EMG1: variants seen among roughly 807,000 people sequenced by gnomAD.
The protein encoded by EMG1 is EMG1 N1-specific pseudouridine methyltransferase.
EMG1 carries 24 observed loss-of-function variants against 26.9 expected under a neutral mutation model. That is an observed-to-expected ratio of 0.89 (90% CI 0.65 to 1.26). The LOEUF (loss-of-function observed/expected upper bound fraction) is 1.26, where lower values mean the gene tolerates loss of function less well. Ranked by LOEUF, EMG1 falls within the 50% of genes most tolerant of loss-of-function variation. The probability of loss-of-function intolerance (pLI) is 0.00; values close to 1 mark genes in which losing one functional copy is unlikely to be tolerated. For missense variants in EMG1, 299 were observed against 307.6 expected, an observed-to-expected ratio of 0.97 and a Z score of 0.21; for synonymous variants, 140 against 112.6, an observed-to-expected ratio of 1.24 and a Z score of -1.54.
downstream of EMG1, chr12:6,981,898 G>T: frequency 6.3e-7 from 1 of 1,583,618 alleles, no homozygotes; most frequent in Non-Finnish European, 8.7e-7. Flanking sequence ...CCAGCCAGAA[G>T]GTAGGCCTAG....
Position 6,977,504 on chromosome 12 carries a change from T to G in EMG1, c.*1695T>G. 6.2e-7 allele frequency: 1 copy of G among 1,614,094 alleles called. No individual in the cohort carries two copies. The highest frequency in any genetic ancestry group is 8.5e-7 in the Non-Finnish European group (1 of 1,180,010). ...GCGGCCAGCTTGCTCAGGGTGGGGC[T>G]CTCTTGAATGAGCCTGGCAGCCTGG... On this transcript the variant is annotated 3_prime_UTR_variant, in exon 6 of 6. Transcript: ENST00000599672. This position sits in a 1 kb window ranked among gnomAD's most constrained non-coding sequence, Gnocchi z 4.5.
exon 8 of EMG1, chr12:6,997,379 ATGTGTGTGTGTGTGTGTGTGTGTGTGTG>A (rs201579525): frequency 8.8e-6 from 1 of 114,046 alleles, no homozygotes; most frequent in Non-Finnish European, 1.8e-5. Context: ...ACAGCAAATT[ATGTGTGTGTGTGTGTGTGTGTGTGTGTG>A]TGTGTGTGTG....
At chr12:6,986,408 A>G (rs1946526370) in intron 6 of EMG1, among the ~76,000 whole-genome samples, 1 of 152,198 alleles carries the variant, frequency 6.6e-6, no homozygotes, top group South Asian at 2.1e-4. Context: ...TATATAACAC[A>G]AATGACATAC....
chr12:6,975,443 A>G (rs1946383235), intron 5 of EMG1, 65 bp downstream of exon 5: 1 of 1,485,068 alleles, frequency 6.7e-7, no homozygotes, highest in Non-Finnish European at 9.1e-7. Context: ...TTCCCAGAGC[A>G]GTAGGCATTT....
rs1946377666 is a variant in EMG1, at chr12:6,975,073, T to C, written c.413-17T>C. 6.2e-7 allele frequency: 1 copy of C among 1,612,026 alleles called. No homozygotes were observed. The highest frequency in any genetic ancestry group is 8.5e-7 in the Non-Finnish European group (1 of 1,178,160). On this transcript the variant is annotated splice_polypyrimidine_tract_variant and intron_variant, in intron 3 of 5. Coordinates refer to ENST00000599672, the MANE Select transcript of EMG1 (RefSeq NM_006331.8). ...GTGGTCTCCATCTAGCTCTGAACTC[T>C]TTTTTCCCCCTTCTAGTTCAACTTT...
In EMG1 at chr12:6,974,966, G is replaced by C. The variant is rs917281145; in HGVS notation, c.413-124G>C. 4 of 1,008,008 alleles carry C rather than the reference G, an allele frequency of 4.0e-6. No homozygotes were observed. In the African/African-American group the frequency reaches 6.4e-5, roughly 16 times the overall value. The allele number at this position is 1,008,008 out of a possible 1,614,324, so 62.4% of individuals were successfully genotyped here. ...CAACTGTTTGTTCCTAACATTTCAG[G>C]AGTCCAGTCTAGATATAAAGCACAC... On this transcript the variant is annotated intron_variant, in intron 3 of 5. Transcript: ENST00000599672.
chr12:6,983,112 T>C, downstream of EMG1: 1 of 501,764 alleles, frequency 2.0e-6, no homozygotes, highest in Admixed American at 3.0e-5. Flanking sequence ...TTTTTGAATG[T>C]CTGAAGTGAA....
intron 7 of EMG1, among the ~76,000 whole-genome samples, chr12:6,995,600 T>C (rs1946629763): frequency 6.6e-6 from 1 of 152,142 alleles, no homozygotes; most frequent in Non-Finnish European, 1.5e-5. Context: ...CCACTCCCTT[T>C]TTCCTCTGCT....
At position 6,979,529 on chromosome 12, in the gene EMG1, C is replaced by A; in HGVS notation, c.*3720C>A. The A allele has an allele frequency of 6.2e-7, 1 of 1,614,070 alleles. No homozygotes were observed. The highest frequency in any genetic ancestry group is 8.5e-7 in the Non-Finnish European group (1 of 1,179,968). On this transcript the variant is annotated 3_prime_UTR_variant, in exon 6 of 6. Coordinates refer to ENST00000599672, the MANE Select transcript of EMG1 (RefSeq NM_006331.8). Reference sequence around the variant, plus strand: ...GATGTGGGGGCTGAGCAGTGTGTAGCCCACTAGGTAGAAAAGGCCCAGACT... The same window carrying A: ...GATGTGGGGGCTGAGCAGTGTGTAGACCACTAGGTAGAAAAGGCCCAGACT...
downstream of EMG1, among the ~76,000 whole-genome samples, chr12:6,993,070 G>A (rs1204651718): frequency 6.6e-6 from 1 of 152,098 alleles, no homozygotes; most frequent in African/African-American, 2.4e-5. Context: ...CAGTTTCCTG[G>A]ATTTTTTTCT....
Position 6,978,480 on chromosome 12 carries a change from C to G in EMG1, c.*2671C>G. ...CCCTTTTCTTCAAAGCCATTGAAGC[C>G]CAGGCCCGTCAAAATGCATACTCCT... On this transcript the variant is annotated 3_prime_UTR_variant, in exon 6 of 6. Transcript: ENST00000599672. 6.2e-7 allele frequency: 1 copy of G among 1,613,798 alleles called. No individual in the cohort carries two copies. The highest frequency in any genetic ancestry group is 8.5e-7 in the Non-Finnish European group (1 of 1,179,758).
At chr12:6,990,526 A>AAAATAAATAAAT (rs59048377), downstream of EMG1, among the ~76,000 whole-genome samples, 13 of 144,504 alleles carry the variant, frequency 9.0e-5, no homozygotes, top group East Asian at 6.1e-4. Flanking sequence ...AAATTAAAAT[A>AAAATAAATAAAT]AAATAAATAA....
chr12:6,971,388 C>T (rs1423009300), intron 1 of EMG1, among the ~76,000 whole-genome samples: 1 of 151,716 alleles, frequency 6.6e-6, no homozygotes, highest in Non-Finnish European at 1.5e-5. Context: ...GTTCTCCTGA[C>T]TCAGCCTCTG....
downstream of EMG1, among the ~76,000 whole-genome samples, chr12:6,989,313 GTTT>G (rs113013257): frequency 4.0e-5 from 5 of 126,436 alleles, no homozygotes; most frequent in Non-Finnish European, 6.6e-5. Context: ...CAAAATGCGT[GTTT>G]TTTTTTTTTT....
At chr12:6,981,642 G>C, downstream of EMG1, 1 of 1,581,072 alleles carries the variant, frequency 6.3e-7, no homozygotes, top group Non-Finnish European at 8.6e-7. Flanking sequence ...CCTGAGCAGA[G>C]AGAGAACGGA....
At chr12:6,973,580 G>T (rs1555152559) in intron 1 of EMG1, among the ~76,000 whole-genome samples, 1 of 151,850 alleles carries the variant, frequency 6.6e-6, no homozygotes, top group African/African-American at 2.4e-5. Flanking sequence ...TTTTGAGATG[G>T]AGTCTCGCTC....
At chr12:6,997,396 T>TGC (rs1366955598) in exon 8 of EMG1, 2 of 148,958 alleles carry the variant, frequency 1.3e-5, no homozygotes, top group Non-Finnish European at 2.9e-5. Context: ...TGTGTGTGTG[T>TGC]GTGTGTGTGT....
Position 6,970,955 on chromosome 12 carries a change from G to C in EMG1, c.32G>C (p.Arg11Pro), listed in dbSNP as rs372361920. 17 of 1,613,060 alleles carry C rather than the reference G, an allele frequency of 1.1e-5. No individual in the cohort carries two copies. Among genetic ancestry groups the C allele is most frequent in the Non-Finnish European group, 1.2e-5 (14 of 1,179,512 alleles). The part of the protein sequence containing the change: MAAPSDGFKP[R>P]ERSGGEQAQD... ...GCGCCCAGTGATGGATTCAAGCCTC[G>C]TGAACGAAGCGGTGGGGAGCAGGCA... The change falls in exon 1 of 6, where the codon CGT becomes CCT. Residue 11 changes from arginine (R) to proline (P), a missense_variant. Physicochemically the swap from Arg to Pro is moderately radical, Grantham distance 103 (BLOSUM62 -2). Transcript: ENST00000599672.
rs1445945740 is a variant in EMG1 at position 6,979,892 on chromosome 12, C to A, written c.*4083C>A. On this transcript the variant is annotated 3_prime_UTR_variant, in exon 6 of 6. Transcript: ENST00000599672. ...CCAGGTCTCACAATCTCCATTGGGA[C>A]TGAAAACCCAGTGGAGGTAAGATAA... 3.2e-6 allele frequency: 1 copy of A among 309,098 alleles called. No individual in the cohort carries two copies. Among genetic ancestry groups the A allele is most frequent in the Non-Finnish European group, 6.0e-6 (1 of 167,418 alleles). 19.1% of individuals were successfully genotyped at this position (309,098 alleles called of 1,614,324 possible).
Sources: gnomAD v4.1 joint callset for allele counts (sites outside exome capture counted in the v4.1 genomes callset) on GRCh38, gnomAD v4.1.1 for gene constraint, Gnocchi (gnomAD v3.1) non-coding constraint, MANE v1.5 for transcripts, NCBI Gene and HGNC (gene_info 2026-07-23, HGNC 2026-07-21) for gene names.